NF2: variants seen among roughly 807,000 people sequenced by gnomAD.
NF2 encodes merlin.
NF2 carries 8 observed loss-of-function variants against 83.7 expected under a neutral mutation model. The ratio of observed to expected loss-of-function variants is 0.10; its 90% CI spans 0.06 to 0.17. The LOEUF is 0.17. Among genes scored for constraint, NF2 ranks in the 10% least tolerant of loss-of-function variants. The pLI is 1.00. For missense variants in NF2, 533 were observed against 744.4 expected, an observed-to-expected ratio of 0.72 and a Z score of 3.31; for synonymous variants, 266 against 269.6, an observed-to-expected ratio of 0.99 and a Z score of 0.13.
rs2071622 is a variant in NF2 at position 29,658,035 on chromosome 22, G to A, written c.600-154G>A. 0.37 allele frequency among the ~76,000 whole-genome samples: 56,734 copies of A among 151,910 alleles called. 11,293 individuals are homozygous for A. Among genetic ancestry groups the A allele is most frequent in the Non-Finnish European group, 0.47 (31,935 of 67,938 alleles). Reference sequence around the variant, plus strand: ...AGTGTGTTTAATAGACTCAGGGCCGGGCAGAGCTTTGCTGGTGTCTGCTGT... The same window carrying A: ...AGTGTGTTTAATAGACTCAGGGCCGAGCAGAGCTTTGCTGGTGTCTGCTGT... On this transcript the variant is annotated intron_variant, in intron 6 of 15. Coordinates refer to ENST00000338641, the MANE Select transcript of NF2 (RefSeq NM_000268.4).
At chr22:29,680,913 G>A (rs559376838) in intron 14 of NF2, among the ~76,000 whole-genome samples, 1 of 150,788 alleles carries the variant, frequency 6.6e-6, no homozygotes, top group Admixed American at 6.6e-5. Context: ...CAAGGAGATT[G>A]TTCTGGGTTC....
At chr22:29,679,875 A>AG (rs1193271218) in intron 14 of NF2, among the ~76,000 whole-genome samples, 1 of 151,734 alleles carries the variant, frequency 6.6e-6, no homozygotes, top group Non-Finnish European at 1.5e-5. Flanking sequence ...CAAAAAAAAA[A>AG]AAAAGAAAAG....
chr22:29,687,961 T>C (rs1224850293), intron 15 of NF2, among the ~76,000 whole-genome samples: 1 of 152,240 alleles, frequency 6.6e-6, no homozygotes, highest in East Asian at 1.9e-4. Flanking sequence ...CTGCTCTTAG[T>C]GCTCCTCCCG....
chr22:29,611,512 G>A (rs1327501985), intron 1 of NF2, among the ~76,000 whole-genome samples: 1 of 152,160 alleles, frequency 6.6e-6, no homozygotes, highest in African/African-American at 2.4e-5. Flanking sequence ...CTGGGCGACA[G>A]AGCTCAAAAC....
chr22:29,609,154 G>C, intron 1 of NF2: 3 of 753,028 alleles, frequency 4.0e-6, no homozygotes, highest in South Asian at 1.3e-5. Flanking sequence ...AGGAGAATGG[G>C]ATGAAGGTTG....
At chr22:29,649,145 CA>C (rs376257256) in intron 4 of NF2, among the ~76,000 whole-genome samples, 24 of 143,972 alleles carry the variant, frequency 1.7e-4, no homozygotes, top group African/African-American at 1.3e-4. Context: ...TAATGTGAAG[CA>C]AAAAAAAAAG....
Position 29,695,171 on chromosome 22 carries a change from C to T in NF2, c.*369C>T, listed in dbSNP as rs910943027. 4.6e-6 allele frequency: 2 copies of T among 432,264 alleles called. No individual in the cohort carries two copies. The highest frequency in any genetic ancestry group is 7.8e-5 in the East Asian group (2 of 25,610). The allele number at this position is 432,264 out of a possible 1,614,324, so 26.8% of individuals were successfully genotyped here. On this transcript the variant is annotated 3_prime_UTR_variant, in exon 16 of 16. Coordinates refer to ENST00000338641, the MANE Select transcript of NF2 (RefSeq NM_000268.4). The surrounding 1 kb of genome is among the most constrained non-coding windows in gnomAD (Gnocchi z 5.4). ...TGGGAAGTCATTGTAGGGAGTGAGA[C>T]ACTGAAGCCCTGAGAAGCCAGTGCC...
chr22:29,698,447 G>A lies in NF2; in HGVS notation c.*3645G>A, dbSNP rs940585787. On this transcript the variant is annotated 3_prime_UTR_variant, in exon 16 of 16. Transcript: ENST00000338641. ...GCCCCTCCAGGGCTTTCAGGGAAGC[G>A]CCATCCATTTTCAAAGATGTCAAAC... 9.2e-5 allele frequency: 20 copies of A among 218,476 alleles called. No individual in the cohort carries two copies. Among genetic ancestry groups the A allele is most frequent in the Non-Finnish European group, 9.2e-5 (10 of 108,628 alleles). The allele number at this position is 218,476 out of a possible 1,614,324, so 13.5% of individuals were successfully genotyped here. A position where few individuals can be genotyped will look rare whatever the true frequency, so the allele number is the denominator to read the frequency against.
rs543202165 is a variant in NF2 at position 29,642,684 on chromosome 22, A to G, written c.447+399A>G. 4.6e-5 allele frequency among the ~76,000 whole-genome samples: 7 copies of G among 151,124 alleles called. No homozygotes were observed. In the East Asian group the frequency reaches 5.8e-4, roughly 13 times the overall value. ...CTCAACCATGTGGTACAACCTTTCTATTAGCCAGGAAAAATGAATTTATGG... is the reference window on the plus strand; with the variant it reads ...CTCAACCATGTGGTACAACCTTTCTGTTAGCCAGGAAAAATGAATTTATGG... On this transcript the variant is annotated intron_variant, in intron 4 of 15. Coordinates refer to ENST00000338641, the MANE Select transcript of NF2 (RefSeq NM_000268.4).
In NF2 at chr22:29,639,136, T is replaced by A; in HGVS notation, c.287T>A (p.Phe96Tyr). ...AAGGAAGAACCAGTCACCTTTCACTTCTTGGCCAAATTTTATCCTGAGAAT... is the reference window on the plus strand; with the variant it reads ...AAGGAAGAACCAGTCACCTTTCACTACTTGGCCAAATTTTATCCTGAGAAT... The part of the protein sequence containing the change: ...VSKEEPVTFH[F>Y]LAKFYPENAE... Residue 96 changes from phenylalanine (F) to tyrosine (Y), a missense_variant, in exon 3 of 16, where the codon TTC (phenylalanine) becomes TAC (tyrosine). Physicochemically the swap from Phe to Tyr is conservative, Grantham distance 22. This residue lies in a region of NF2 where 326 missense variants were observed against 475.1 expected (regional missense o/e 0.69). Transcript: ENST00000338641. 6.2e-7 allele frequency: 1 copy of A among 1,614,196 alleles called. No homozygotes were observed. The highest frequency in any genetic ancestry group is 1.7e-5 in the Admixed American group (1 of 60,030).
At chr22:29,634,593 G>A (rs961526862) in intron 1 of NF2, among the ~76,000 whole-genome samples, 2 of 152,136 alleles carry the variant, frequency 1.3e-5, no homozygotes, top group African/African-American at 4.8e-5. Context: ...ATTGGGAATC[G>A]TTACCTTGAT....
At position 29,637,816 on chromosome 22, in the gene NF2, T is replaced by C. The variant is rs116866509; in HGVS notation, c.240+940T>C. On this transcript the variant is annotated intron_variant, in intron 2 of 15. Transcript: ENST00000338641. ...TTGTAAGTTCAATGGTAATTCCCAA[T>C]GATCATGAGCATCTAAGTGCCACTG... is the stretch of plus-strand genomic sequence containing the variant. 3.0e-4 allele frequency among the ~76,000 whole-genome samples: 45 copies of C among 152,294 alleles called. 2 individuals are homozygous for C. In the East Asian group the frequency reaches 8.5e-3, roughly 29 times the overall value.
Position 29,636,896 on chromosome 22 carries a change from A to T in NF2, c.240+20A>T. On this transcript the variant is annotated intron_variant, in intron 2 of 15. Transcript: ENST00000338641. This position sits in a 1 kb window ranked among gnomAD's most constrained non-coding sequence, Gnocchi z 4.4. ...AAGAAGGTTGGGCTAGAACTCGATG[A>T]AACTGGTGGGGCTGACGTGAGCTTT... 1 of 1,613,894 alleles carries T rather than the reference A, an allele frequency of 6.2e-7. No homozygotes were observed.
At chr22:29,659,752 A>G (rs953104533) in intron 7 of NF2, among the ~76,000 whole-genome samples, 3 of 152,210 alleles carry the variant, frequency 2.0e-5, no homozygotes, top group Non-Finnish European at 4.4e-5. Context: ...TAAACTAAAT[A>G]GTCAGAAACT....
intron 10 of NF2, among the ~76,000 whole-genome samples, chr22:29,670,290 G>A (rs915855041): frequency 6.6e-6 from 1 of 151,520 alleles, no homozygotes; most frequent in Non-Finnish European, 1.5e-5. Context: ...GAGCTGCTAT[G>A]CCTGCCTGGC....
At chr22:29,689,762 G>C (rs1217418437) in intron 15 of NF2, among the ~76,000 whole-genome samples, 1 of 152,194 alleles carries the variant, frequency 6.6e-6, no homozygotes. Flanking sequence ...AGCCAAAGTA[G>C]CTCTGTGTCT....
At chr22:29,639,881 CAAAAAAAA>C (rs763315832) in intron 3 of NF2, among the ~76,000 whole-genome samples, 2 of 21,188 alleles carry the variant, frequency 9.4e-5, no homozygotes, top group African/African-American at 3.1e-4. Context: ...GGTTCCGTCT[CAAAAAAAA>C]AAAAAAAAAA....
At chr22:29,676,801 T>C (rs1481314451) in intron 13 of NF2, among the ~76,000 whole-genome samples, 1 of 152,246 alleles carries the variant, frequency 6.6e-6, no homozygotes, top group African/African-American at 2.4e-5. Context: ...AAAGAAGTCA[T>C]ACCAGTTCAT....
intron 14 of NF2, among the ~76,000 whole-genome samples, chr22:29,680,791 A>G (rs1041318050): frequency 6.6e-6 from 1 of 152,124 alleles, no homozygotes; most frequent in African/African-American, 2.4e-5. Context: ...GCTTATGCCT[A>G]TAATCCCAGC....
Sources: allele counts gnomAD v4.1 joint callset (sites outside exome capture counted in the v4.1 genomes callset), GRCh38; gene constraint gnomAD v4.1.1; regional missense constraint gnomAD v4.1.1; non-coding constraint Gnocchi (gnomAD v3.1); transcripts MANE v1.5; gene names NCBI Gene and HGNC (gene_info 2026-07-23, HGNC 2026-07-21).